Variants in PPFIA3 observed in about 807,000 individuals in gnomAD.
The protein encoded by PPFIA3 is PPFI scaffold protein A3.
PPFIA3 carries 26 observed loss-of-function variants against 145.8 expected under a neutral mutation model. The observed-to-expected ratio is 0.18, with a 90% confidence interval of 0.13 to 0.25. PPFIA3 has a LOEUF of 0.25. Ranked by LOEUF, PPFIA3 falls within the 10% of genes least tolerant of loss-of-function variation. The pLI, the probability that PPFIA3 is intolerant of heterozygous loss-of-function variation, is 1.00. For missense variants in PPFIA3, 1,008 were observed against 1,587.8 expected (o/e 0.63, Z 6.21); for synonymous variants, 645 against 661.4 (o/e 0.98, Z 0.38).
rs374978404 is a variant in PPFIA3, at chr19:49,145,930, C to G, written c.2746-13C>G. The G allele has an allele frequency of 1.2e-6, 2 of 1,613,390 alleles. No individual in the cohort carries two copies. The highest frequency in any genetic ancestry group is 2.7e-5 in the African/African-American group (2 of 74,910). On this transcript the variant is annotated splice_polypyrimidine_tract_variant and intron_variant, in intron 21 of 29. Coordinates refer to ENST00000334186, the MANE Select transcript of PPFIA3 (RefSeq NM_003660.4). ...CCCTCTCCCACCATCCATTAACACT[C>G]CCTGCCCCTCAGTCCACAGGAAACG...
intron 20 of PPFIA3, among the ~76,000 whole-genome samples, chr19:49,142,459 C>G (rs2041234252): frequency 6.6e-6 from 1 of 152,002 alleles, no homozygotes; most frequent in Non-Finnish European, 1.5e-5. Context: ...CCTCATGTCT[C>G]CGATCGCCCT....
chr19:49,137,628 C>CAAA lies in PPFIA3; in HGVS notation c.1854-549_1854-547dup, dbSNP rs3032695. Among the ~76,000 whole-genome samples, 114 of 43,786 alleles carry CAAA rather than the reference C, an allele frequency of 2.6e-3. 10 individuals carry two copies. Among genetic ancestry groups the CAAA allele is most frequent in the Middle Eastern group, 0.031 (1 of 32 alleles). 28.7% of individuals were successfully genotyped at this position (43,786 alleles called of 152,430 possible). A position where few individuals can be genotyped will look rare whatever the true frequency, so the allele number is the denominator to read the frequency against. On this transcript the variant is annotated intron_variant, in intron 15 of 29. Transcript: ENST00000334186. ...TGGGCTACAGAGCGAGACTCCGTGT[C>CAAA]AAAAAAAAAAAAAAAAAAAAAAAAA...
chr19:49,124,748 G>C (rs961847623), intron 1 of PPFIA3, among the ~76,000 whole-genome samples: 1 of 152,034 alleles, frequency 6.6e-6, no homozygotes, highest in African/African-American at 2.4e-5. Flanking sequence ...GTGTTGCATC[G>C]TCAGAGTGGG....
At chr19:49,131,464 G>C (rs999639983) in intron 7 of PPFIA3, among the ~76,000 whole-genome samples, 1 of 151,370 alleles carries the variant, frequency 6.6e-6, no homozygotes, top group South Asian at 2.1e-4. Flanking sequence ...TTACAGGTGT[G>C]AGCCACTGCG....
Position 49,146,172 on chromosome 19 carries a change from A to G in PPFIA3, c.2815A>G (p.Lys939Glu). ...CTTCCTACTAACGGGTCAGGAGACC[A>G]AGGAGATCAGCTGGGAGCAGGTAGG... ...SLTATTKPET[K>E]EISWEQILAY... The change falls in exon 23 of 30, where the codon AAG (lysine) becomes GAG (glutamate). Residue 939 changes from lysine to glutamate, a missense_variant. Around this residue, in one of 11 missense-constraint regions of PPFIA3, gnomAD observed 154 missense variants for 369.2 expected, o/e 0.42. Coordinates refer to ENST00000334186, the MANE Select transcript of PPFIA3 (RefSeq NM_003660.4). The G allele has an allele frequency of 6.2e-7, 1 of 1,614,112 alleles. No homozygotes were observed. The highest frequency in any genetic ancestry group is 1.7e-5 in the Admixed American group (1 of 60,018).
chr19:49,124,334 C>G (rs529666503), intron 1 of PPFIA3, among the ~76,000 whole-genome samples: 2 of 152,252 alleles, frequency 1.3e-5, no homozygotes, highest in Admixed American at 1.3e-4. Flanking sequence ...GCTGGGATTA[C>G]AGGCATGAGC....
At chr19:49,142,235 T>C in intron 20 of PPFIA3, 120 bp downstream of exon 20, 4 of 938,120 alleles carry the variant, frequency 4.3e-6, no homozygotes, top group Non-Finnish European at 6.4e-6. Flanking sequence ...GGGGTGGCCA[T>C]GGGCCTGGCA....
intron 21 of PPFIA3, among the ~76,000 whole-genome samples, chr19:49,143,230 C>T (rs2041244855): frequency 6.6e-6 from 1 of 152,246 alleles, no homozygotes; most frequent in South Asian, 2.1e-4. Flanking sequence ...TCTCCCTCTC[C>T]TCGGCATTTG....
intron 14 of PPFIA3, 40 bp downstream of exon 14, chr19:49,135,963 G>C: frequency 1.3e-6 from 2 of 1,533,342 alleles, no homozygotes; most frequent in Non-Finnish European, 1.8e-6. Context: ...AGCAGGGCTT[G>C]GGCGGGCAGC....
Position 49,133,253 on chromosome 19 carries a change from G to A in PPFIA3, c.1043G>A (p.Arg348His). The A allele has an allele frequency of 6.2e-7, 1 of 1,607,386 alleles. No homozygotes were observed. The highest frequency in any genetic ancestry group is 8.5e-7 in the Non-Finnish European group (1 of 1,176,956). The change falls in exon 9 of 30, where the codon CGT (arginine) becomes CAT (histidine). Residue 348 changes from arginine (R) to histidine (H), a missense_variant. Physicochemically the swap from Arg to His is conservative, Grantham distance 29. Coordinates refer to ENST00000334186, the MANE Select transcript of PPFIA3 (RefSeq NM_003660.4). This position sits in a 1 kb window ranked among gnomAD's most constrained non-coding sequence, Gnocchi z 7.2. ...CTCCCCCAGAGTGAAGAGAAGAGCCGTCAGCTGGCCGAGTGGTTGGACGAC... is the reference window on the plus strand; with the variant it reads ...CTCCCCCAGAGTGAAGAGAAGAGCCATCAGCTGGCCGAGTGGTTGGACGAC... Reference protein sequence around the residue: ...SLYRQSEEKSRQLAEWLDDAK... With the variant: ...SLYRQSEEKSHQLAEWLDDAK...
rs1043114669 is a variant in PPFIA3 at position 49,149,463 on chromosome 19, A to C, written c.3355-84A>C. On this transcript the variant is annotated intron_variant, in intron 27 of 29. Coordinates refer to ENST00000334186, the MANE Select transcript of PPFIA3 (RefSeq NM_003660.4). The surrounding 1 kb of genome is among the most constrained non-coding windows in gnomAD (Gnocchi z 5.7). ...GGGGCGGGGTTAAAGGAGAGGTGAG[A>C]CCCGGAGAGGGGTGGAGTCAAAGGA... 3 of 1,589,198 alleles carry C rather than the reference A, an allele frequency of 1.9e-6. No individual in the cohort carries two copies. Among genetic ancestry groups the C allele is most frequent in the Non-Finnish European group, 1.7e-6 (2 of 1,160,574 alleles).
intron 21 of PPFIA3, among the ~76,000 whole-genome samples, chr19:49,143,636 G>C (rs560676893): frequency 5.9e-5 from 9 of 152,320 alleles, no homozygotes; most frequent in African/African-American, 1.9e-4. Context: ...GCCTCCCAAA[G>C]TGTTGAGATT....
At position 49,122,103 on chromosome 19, in the gene PPFIA3, G is replaced by T. The variant is rs528585861; in HGVS notation, c.-16+2381G>T. 2.2e-5 allele frequency among the ~76,000 whole-genome samples: 3 copies of T among 136,986 alleles called. No homozygotes were observed. The East Asian group carries it at 6.1e-4, about 28-fold the overall frequency. 89.9% of individuals were successfully genotyped at this position (136,986 alleles called of 152,430 possible). The stretch of plus-strand genomic sequence containing the variant: ...ATTTTTTTTTTTTTTTTTTTGAGAC[G>T]GAGTTTCACTCTTGTTGCTCAGGCT... On this transcript the variant is annotated intron_variant, in intron 1 of 29. Transcript: ENST00000334186.
In PPFIA3 at chr19:49,149,539, A is replaced by C. The variant is rs767830789; in HGVS notation, c.3355-8A>C. 3.1e-6 allele frequency: 5 copies of C among 1,613,954 alleles called. 1 individual carries two copies. The South Asian group carries it at 5.5e-5, about 18-fold the overall frequency. ...GTCCCTCACCGGCTGTCCGGCTCCT[A>C]TACCTAGGACAGCGCCAAGTCTTTC... On this transcript the variant is annotated splice_polypyrimidine_tract_variant and splice_region_variant and intron_variant, in intron 27 of 29. Coordinates refer to ENST00000334186, the MANE Select transcript of PPFIA3 (RefSeq NM_003660.4). The surrounding 1 kb of genome is among the most constrained non-coding windows in gnomAD (Gnocchi z 5.7).
At chr19:49,148,832 G>A in intron 25 of PPFIA3, 69 bp downstream of exon 25, 5 of 1,544,418 alleles carry the variant, frequency 3.2e-6, no homozygotes, top group Non-Finnish European at 4.5e-6. Flanking sequence ...GAGGAGAGGG[G>A]GTAGGGGGAG....
At position 49,149,238 on chromosome 19, in the gene PPFIA3, C is replaced by G. The variant is rs766023008; in HGVS notation, c.3286-19C>G. The G allele has an allele frequency of 1.0e-4, 162 of 1,614,080 alleles. No homozygotes were observed. The highest frequency in any genetic ancestry group is 1.3e-4 in the Non-Finnish European group (152 of 1,180,040). On this transcript the variant is annotated intron_variant, in intron 26 of 29. Coordinates refer to ENST00000334186, the MANE Select transcript of PPFIA3 (RefSeq NM_003660.4). The surrounding 1 kb of genome is among the most constrained non-coding windows in gnomAD (Gnocchi z 5.7). The stretch of plus-strand genomic sequence containing the variant: ...GCAGACTGCACGCTCCAACCGCCCC[C>G]TCCACCTCCTCTTTCCAGGCCCGGC...
At chr19:49,125,512 T>C (rs1198391267) in intron 1 of PPFIA3, 1 of 152,448 alleles carries the variant, frequency 6.6e-6, no homozygotes, top group African/African-American at 2.4e-5. Flanking sequence ...GGGACCCAAG[T>C]CCAGGCTTCC....
At chr19:49,145,920 C>G (rs1568441554) in intron 21 of PPFIA3, 23 bp from the exon 22 acceptor site, 3 of 1,610,998 alleles carry the variant, frequency 1.9e-6, no homozygotes, top group Non-Finnish European at 1.7e-6. Flanking sequence ...TCCCACCATC[C>G]ATTAACACTC....
chr19:49,150,095 G>A lies in PPFIA3; in HGVS notation c.3542G>A (p.Ser1181Asn), dbSNP rs2041328830. 6.2e-7 allele frequency: 1 copy of A among 1,610,658 alleles called. No homozygotes were observed. The highest frequency in any genetic ancestry group is 8.5e-7 in the Non-Finnish European group (1 of 1,178,822). ...CTCCCTCCAGGCCAGACTTCTGGGA[G>A]TTCCCGGGCAGACGGCGTTTCGGTC... Reference protein sequence around the residue: ...KLQPEGQTSGSSRADGVSVRT... With the variant: ...KLQPEGQTSGNSRADGVSVRT... Residue 1181 changes from serine (S) to asparagine (N), a missense_variant, in exon 29 of 30, where the codon AGT (serine) becomes AAT (asparagine). Transcript: ENST00000334186.
Sources: gnomAD v4.1 joint callset for allele counts (sites outside exome capture counted in the v4.1 genomes callset) on GRCh38, gnomAD v4.1.1 for gene constraint, gnomAD v4.1.1 regional missense constraint, Gnocchi (gnomAD v3.1) non-coding constraint, MANE v1.5 for transcripts, NCBI Gene and HGNC (gene_info 2026-07-23, HGNC 2026-07-21) for gene names.